Variants in KRT37 observed in about 807,000 individuals in gnomAD.
The protein encoded by KRT37 is keratin, type I cuticular Ha7.
Under a neutral mutation model 41.9 loss-of-function variants are expected in KRT37, and 38 were observed. The ratio of observed to expected loss-of-function variants is 0.91; its 90% CI spans 0.70 to 1.19. The LOEUF is 1.19. KRT37 is among the 50% of genes most tolerant of loss of function. The probability of loss-of-function intolerance (pLI) is 0.00; values close to 1 mark genes in which losing one functional copy is unlikely to be tolerated. For synonymous variants in KRT37, 252 were observed against 243.4 expected, an observed-to-expected ratio of 1.04 and a Z score of -0.33; for missense variants, 580 against 575.5, an observed-to-expected ratio of 1.01 and a Z score of -0.08.
In KRT37 at chr17:41,422,743, G is replaced by GC. The variant is rs756229741; in HGVS notation, c.732+34dup. On this transcript the variant is annotated intron_variant, in intron 3 of 6. Transcript: ENST00000225550. ...CGGGGAGCTCCCCTGTCTGCCCAGCGCCCTCCCCAGGAGTCTGAGCAGCCA... is the reference window on the plus strand; with the variant it reads ...CGGGGAGCTCCCCTGTCTGCCCAGCGCCCCTCCCCAGGAGTCTGAGCAGCCA... The GC allele has an allele frequency of 4.6e-6, 7 of 1,510,048 alleles. No homozygotes were observed. In the African/African-American group the frequency reaches 9.5e-5, roughly 21 times the overall value. The allele number at this position is 1,510,048 out of a possible 1,614,324, so 93.5% of individuals were successfully genotyped here.
chr17:41,420,850 C>A lies in KRT37; in HGVS notation c.*28G>T. 6.6e-7 allele frequency: 1 copy of A among 1,521,686 alleles called. No individual in the cohort carries two copies. Among genetic ancestry groups the A allele is most frequent in the South Asian group, 1.1e-5 (1 of 88,246 alleles). The allele number at this position is 1,521,686 out of a possible 1,614,324, so 94.3% of individuals were successfully genotyped here. ...CACTCCTGACCCCAGTGCAACCAGC[C>A]TCAATCTCCTAACTCGGGCCTTCAG... On this transcript the variant is annotated 3_prime_UTR_variant, in exon 7 of 7. Transcript: ENST00000225550.
rs2018538156 is a variant in KRT37 at position 41,421,454 on chromosome 17, T to C, written c.1154A>G (p.Gln385Arg). Residue 385 changes from glutamine (Q) to arginine (R), a missense_variant, in exon 6 of 7, where the codon CAG (glutamine) becomes CGG (arginine). Gln to Arg is a conservative substitution (Grantham distance 43). Transcript: ENST00000225550. ...EIRADLERQN[Q>R]EYQVLLDVKA... ...CACGTCCAGCAGCACCTGGTACTCC[T>C]GGTTCTGCCGCTCCAGGTCGGCCCG... 3.7e-6 allele frequency: 6 copies of C among 1,614,258 alleles called. No homozygotes were observed. In the South Asian group the frequency reaches 6.6e-5, roughly 18 times the overall value.
In KRT37 at chr17:41,422,934, C is replaced by G. The variant is rs780637523; in HGVS notation, c.576G>C (p.Lys192Asn). The change falls in exon 3 of 7, where the codon AAG becomes AAC. Residue 192 changes from lysine to asparagine, a missense_variant and splice_region_variant. Coordinates refer to ENST00000225550, the MANE Select transcript of KRT37 (RefSeq NM_003770.5). ...GGTGAAGGGAGCGCTCACTCTCCAGCCTTCCGTCACAGGAGGCACAGGGTC... is the reference window on the plus strand; with the variant it reads ...GGTGAAGGGAGCGCTCACTCTCCAGGCTTCCGTCACAGGAGGCACAGGGTC... ...AKLAADDFRI[K>N]LESERSLHQL... The G allele has an allele frequency of 1.2e-6, 2 of 1,611,508 alleles. No homozygotes were observed. The highest frequency in any genetic ancestry group is 2.7e-5 in the African/African-American group (2 of 74,882).
chr17:41,421,121 A>T (rs2144394838), intron 6 of KRT37, 135 bp from the exon 7 acceptor site: 2 of 778,316 alleles, frequency 2.6e-6, no homozygotes. Context: ...CAGTTCTCTC[A>T]TCTGTGTCTT....
chr17:41,422,678 G>T (rs368518520), intron 3 of KRT37, 100 bp downstream of exon 3: 42,726 of 1,181,668 alleles, frequency 0.036, 4,765 homozygotes, highest in East Asian at 0.18. Flanking sequence ...TGCATCCTTA[G>T]GCCAGCTGAG....
At chr17:41,422,729 C>T (rs1231894686) in intron 3 of KRT37, 49 bp downstream of exon 3, 4 of 1,476,858 alleles carry the variant, frequency 2.7e-6, no homozygotes, top group Non-Finnish European at 3.6e-6. Flanking sequence ...GGGGAGCTCC[C>T]CTGTCTGCCC....
At position 41,424,155 on chromosome 17, in the gene KRT37, G is replaced by T; in HGVS notation, c.369C>A (p.Arg123=). The part of the protein sequence containing the change: ...DRLANYLEKV[R]QLEQENAELE... ...GCTCTGCATTCTCCTGCTCCAGCTG[G>T]CGCACCTTCTCCAGGTAGTTGGCCA... is the stretch of plus-strand genomic sequence containing the variant. Residue 123 remains arginine (R), a synonymous_variant, in exon 1 of 7, where the codon CGC becomes CGA. Transcript: ENST00000225550. The T allele has an allele frequency of 6.2e-7, 1 of 1,614,238 alleles. No homozygotes were observed. Among genetic ancestry groups the T allele is most frequent in the Non-Finnish European group, 8.5e-7 (1 of 1,180,036 alleles).
chr17:41,424,424 G>T lies in KRT37; in HGVS notation c.100C>A (p.Pro34Thr), dbSNP rs200484074. ...FVSPIDVGCQPVAEANAASMC... is the reference protein window; with the variant it reads ...FVSPIDVGCQTVAEANAASMC... ...GAGGCAGCATTGGCCTCTGCCACAG[G>T]CTGGCACCCAACATCGATAGGAGAG... is the stretch of plus-strand genomic sequence containing the variant. The change falls in exon 1 of 7, where the codon CCT becomes ACT. Residue 34 changes from proline (P) to threonine (T), a missense_variant. Physicochemically the swap from Pro to Thr is conservative, Grantham distance 38. Coordinates refer to ENST00000225550, the MANE Select transcript of KRT37 (RefSeq NM_003770.5). 5 of 1,612,452 alleles carry T rather than the reference G, an allele frequency of 3.1e-6. No homozygotes were observed. The highest frequency in any genetic ancestry group is 2.5e-6 in the Non-Finnish European group (3 of 1,178,690).
intron 2 of KRT37, chr17:41,423,531 T>C: frequency 2.0e-6 from 1 of 493,104 alleles, no homozygotes; most frequent in Non-Finnish European, 3.6e-6. Context: ...GAAAGTGACA[T>C]AGGTTCTAAC....
intron 6 of KRT37, 21 bp downstream of exon 6, chr17:41,421,346 A>T: frequency 6.2e-7 from 1 of 1,612,130 alleles, no homozygotes. Flanking sequence ...GTGGCTTAGG[A>T]ATTGCCCAGA....
chr17:41,422,805 C>G lies in KRT37; in HGVS notation c.705G>C (p.Gln235His). 6.2e-7 allele frequency: 1 copy of G among 1,612,322 alleles called. No homozygotes were observed. The highest frequency in any genetic ancestry group is 8.5e-7 in the Non-Finnish European group (1 of 1,179,078). The change falls in exon 3 of 7, where the codon CAG becomes CAC. Residue 235 changes from glutamine (Q) to histidine (H), a missense_variant. Gln to His is a conservative substitution (Grantham distance 24, BLOSUM62 0). Coordinates refer to ENST00000225550, the MANE Select transcript of KRT37 (RefSeq NM_003770.5). ...EAQQESLKEE[Q>H]LSLKSNHEQE... ...GCTCGTGGTTGCTCTTGAGGGAGAG[C>G]TGCTCCTCCTTCAGGGACTCCTGCT...
rs767480632 is a variant in KRT37 at position 41,424,133 on chromosome 17, C to G, written c.391G>C (p.Glu131Gln). 3 of 1,614,256 alleles carry G rather than the reference C, an allele frequency of 1.9e-6. No homozygotes were observed. Among genetic ancestry groups the G allele is most frequent in the Non-Finnish European group, 2.5e-6 (3 of 1,180,052 alleles). ...CTCTCGAGGAGTGTGGTCTCCAGCTCTGCATTCTCCTGCTCCAGCTGGCGC... is the reference window on the plus strand; with the variant it reads ...CTCTCGAGGAGTGTGGTCTCCAGCTGTGCATTCTCCTGCTCCAGCTGGCGC... ...KVRQLEQENA[E>Q]LETTLLERSK... The change falls in exon 1 of 7, where the codon GAG becomes CAG. Residue 131 changes from glutamate to glutamine, a missense_variant. Transcript: ENST00000225550.
In KRT37 at chr17:41,420,939, G is replaced by T. The variant is rs373429374; in HGVS notation, c.1289C>A (p.Pro430Gln). The T allele has an allele frequency of 3.1e-6, 5 of 1,613,966 alleles. No homozygotes were observed. The African/African-American group carries it at 6.7e-5, about 22-fold the overall frequency. Residue 430 changes from proline to glutamine, a missense_variant, in exon 7 of 7, where the codon CCA (proline) becomes CAA (glutamine). Transcript: ENST00000225550. Reference sequence around the variant, plus strand: ...CCCACCGGTGACAGGGCCACAGCTTGGACAAGAAGTACAGGAGGCAGGCGT... The same window carrying T: ...CCCACCGGTGACAGGGCCACAGCTTTGACAAGAAGTACAGGAGGCAGGCGT... ...CSTPASCTSC[P>Q]SCGPVTGGSP... is the part of the protein sequence containing the mutation.
intron 6 of KRT37, 43 bp downstream of exon 6, chr17:41,421,324 A>T (rs371154157): frequency 6.3e-7 from 1 of 1,595,216 alleles, no homozygotes; most frequent in African/African-American, 1.3e-5. Context: ...GAATTGCCTG[A>T]CAGTCATGTG....
In KRT37 at chr17:41,424,582, G is replaced by A. The variant is rs184300486; in HGVS notation, c.-59C>T. Reference sequence around the variant, plus strand: ...TCAGCTGGGAAGGCTGAGCCACTGAGACTGAAGCCTCCTCTCCTCCCAACC... The same window carrying A: ...TCAGCTGGGAAGGCTGAGCCACTGAAACTGAAGCCTCCTCTCCTCCCAACC... On this transcript the variant is annotated 5_prime_UTR_variant, in exon 1 of 7. Transcript: ENST00000225550. 38 of 1,516,588 alleles carry A rather than the reference G, an allele frequency of 2.5e-5. No individual in the cohort carries two copies. The highest frequency in any genetic ancestry group is 3.3e-5 in the Non-Finnish European group (37 of 1,132,644). The allele number at this position is 1,516,588 out of a possible 1,614,324, so 93.9% of individuals were successfully genotyped here.
Position 41,420,761 on chromosome 17 carries a change from C to T in KRT37, c.*117G>A, listed in dbSNP as rs1040729643. ...GCCACTCCTTGGAAGTATCTGCTAC[C>T]GGTTGATTTAGGGAAAATGCCTCAG... On this transcript the variant is annotated 3_prime_UTR_variant, in exon 7 of 7. Coordinates refer to ENST00000225550, the MANE Select transcript of KRT37 (RefSeq NM_003770.5). 10 of 621,442 alleles carry T rather than the reference C, an allele frequency of 1.6e-5. No individual in the cohort carries two copies. The highest frequency in any genetic ancestry group is 7.2e-5 in the African/African-American group (4 of 55,192). The allele number at this position is 621,442 out of a possible 1,614,324, so 38.5% of individuals were successfully genotyped here.
chr17:41,422,075 G>A lies in KRT37; in HGVS notation c.1014C>T (p.His338=), dbSNP rs142895134. ...GAGGGTGAAGGACACGTACCAAGGTGTGCTGGGCTTGGCGCTCCACCTCCA... is the reference window on the plus strand; with the variant it reads ...GAGGGTGAAGGACACGTACCAAGGTATGCTGGGCTTGGCGCTCCACCTCCA... The part of the protein sequence containing the change: ...NALEVERQAQ[H]TLKDCLQNSL... Residue 338 remains histidine (H), a synonymous_variant, in exon 5 of 7, where the codon CAC becomes CAT. Coordinates refer to ENST00000225550, the MANE Select transcript of KRT37 (RefSeq NM_003770.5). 74 of 1,614,230 alleles carry A rather than the reference G, an allele frequency of 4.6e-5. No individual in the cohort carries two copies. The African/African-American group carries it at 9.3e-4, about 20-fold the overall frequency.
intron 6 of KRT37, 117 bp from the exon 7 acceptor site, chr17:41,421,103 T>G: frequency 1.2e-6 from 1 of 824,468 alleles, no homozygotes; most frequent in Non-Finnish European, 2.0e-6. Flanking sequence ...CCAGAGAATC[T>G]ATACCAACAG....
intron 6 of KRT37, 138 bp from the exon 7 acceptor site, chr17:41,421,124 T>A: frequency 1.3e-6 from 1 of 773,110 alleles, no homozygotes; most frequent in Admixed American, 2.6e-5. Flanking sequence ...TTCTCTCATC[T>A]GTGTCTTTCT....
Sources: gnomAD v4.1 joint callset for allele counts on GRCh38, gnomAD v4.1.1 for gene constraint, MANE v1.5 for transcripts, NCBI Gene and HGNC (gene_info 2026-07-23, HGNC 2026-07-21) for gene names.